The following KLHL29 variants were observed in gnomAD, a reference collection of about 807,000 sequenced individuals.
KLHL29 encodes the protein kelch like family member 29.
A neutral mutation model predicts 80.4 loss-of-function variants in KLHL29; 21 were observed. The observed-to-expected ratio is 0.26, with a 90% confidence interval of 0.19 to 0.38. The LOEUF is 0.38. Ranked by LOEUF, KLHL29 falls within the 10% of genes least tolerant of loss-of-function variation. The pLI, the probability that KLHL29 is intolerant of heterozygous loss-of-function variation, is 1.00. For synonymous variants in KLHL29, 511 were observed against 526.8 expected (o/e 0.97, Z 0.41); for missense variants, 867 against 1,223.9 (o/e 0.71, Z 4.35).
At chr2:23,560,117 C>T (rs1304953547) in intron 2 of KLHL29, among the ~76,000 whole-genome samples, 2 of 152,160 alleles carry the variant, frequency 1.3e-5, no homozygotes, top group Non-Finnish European at 2.9e-5. Flanking sequence ...GCGAAGGCCA[C>T]AGCGGAGCAG....
intron 3 of KLHL29, among the ~76,000 whole-genome samples, chr2:23,597,383 G>GTGTATATATATATATA (rs1444343783): frequency 1.3e-4 from 3 of 23,578 alleles, no homozygotes; most frequent in African/African-American, 4.1e-4. Flanking sequence ...GTGTGTGTGT[G>GTGTATATATATATATA]TATATATATA....
intron 2 of KLHL29, among the ~76,000 whole-genome samples, chr2:23,533,633 G>A (rs762206871): frequency 4.6e-5 from 7 of 152,164 alleles, no homozygotes; most frequent in Admixed American, 2.0e-4. Context: ...GATGGGGTGC[G>A]GCGTTTGGGC....
At chr2:23,542,948 A>G (rs1666877692) in intron 2 of KLHL29, among the ~76,000 whole-genome samples, 3 of 152,140 alleles carry the variant, frequency 2.0e-5, no homozygotes, top group Admixed American at 6.5e-5. Flanking sequence ...TGGGAAATTA[A>G]GATTGCATTA....
intron 1 of KLHL29, among the ~76,000 whole-genome samples, chr2:23,397,709 G>C (rs1291774047): frequency 5.9e-5 from 9 of 152,226 alleles, no homozygotes; most frequent in African/African-American, 1.9e-4. Context: ...GCAGTGAGGA[G>C]GGTGGGGCTT....
intron 2 of KLHL29, among the ~76,000 whole-genome samples, chr2:23,557,753 C>T (rs558024894): frequency 6.6e-6 from 1 of 152,230 alleles, no homozygotes; most frequent in African/African-American, 2.4e-5. Flanking sequence ...TGCGTACCCT[C>T]CTCACCTCCA....
At chr2:23,451,076 A>G (rs1312420159) in intron 1 of KLHL29, among the ~76,000 whole-genome samples, 2 of 152,242 alleles carry the variant, frequency 1.3e-5, no homozygotes. Context: ...TTCACTTAGC[A>G]TAAACTAAGG....
At chr2:23,547,668 C>T (rs1667011825) in intron 2 of KLHL29, among the ~76,000 whole-genome samples, 1 of 151,874 alleles carries the variant, frequency 6.6e-6, no homozygotes, top group Non-Finnish European at 1.5e-5. Context: ...GACCACCCCT[C>T]CCGCCTCCCC....
intron 1 of KLHL29, among the ~76,000 whole-genome samples, chr2:23,450,662 CAG>C (rs1663851273): frequency 6.6e-6 from 1 of 152,192 alleles, no homozygotes; most frequent in Non-Finnish European, 1.5e-5. Flanking sequence ...CCAGTGAAAG[CAG>C]AGTTGTGTAT....
At position 23,691,904 on chromosome 2, in the gene KLHL29, T is replaced by TG. The variant is rs1305299678; in HGVS notation, c.1282+34dup. The TG allele has an allele frequency of 3.9e-6, 6 of 1,542,974 alleles. No homozygotes were observed. In the South Asian group the frequency reaches 4.8e-5, roughly 12 times the overall value. ...GAGCCCGGGGGCCACATATGTCGCT[T>TG]GGGGGGAAGAGTGCAGATGGGCGGA... On this transcript the variant is annotated intron_variant, in intron 7 of 13. Coordinates refer to ENST00000486442, the MANE Select transcript of KLHL29 (RefSeq NM_052920.2).
chr2:23,511,614 G>A (rs1021895377), intron 2 of KLHL29, among the ~76,000 whole-genome samples: 4 of 152,180 alleles, frequency 2.6e-5, no homozygotes, highest in East Asian at 1.9e-4. Context: ...TTATCTCAGC[G>A]TTGAGAGTAT....
At position 23,567,431 on chromosome 2, in the gene KLHL29, C is replaced by T. The variant is rs530672690; in HGVS notation, c.285+4950C>T. 8.0e-4 allele frequency among the ~76,000 whole-genome samples: 122 copies of T among 152,106 alleles called. 1 individual carries two copies. Among genetic ancestry groups the T allele is most frequent in the African/African-American group, 2.9e-3 (120 of 41,490 alleles). On this transcript the variant is annotated intron_variant, in intron 3 of 13. Coordinates refer to ENST00000486442, the MANE Select transcript of KLHL29 (RefSeq NM_052920.2). ...GCCTGTGTCGGAGGCCCGAGAAGAA[C>T]CAAAAGGGGCTATGAAATCTGCAGG...
intron 3 of KLHL29, among the ~76,000 whole-genome samples, chr2:23,587,185 A>G (rs886936338): frequency 2.0e-5 from 3 of 151,520 alleles, no homozygotes; most frequent in Non-Finnish European, 2.9e-5. Flanking sequence ...GCTCTTAACC[A>G]AGGAAGCCAG....
At chr2:23,654,700 G>GGA (rs1377114416) in intron 5 of KLHL29, among the ~76,000 whole-genome samples, 1 of 117,832 alleles carries the variant, frequency 8.5e-6, no homozygotes, top group Non-Finnish European at 1.9e-5. Context: ...AGAGGTTGGG[G>GGA]GGGGGGGGTG....
At chr2:23,628,673 G>A (rs188470035) in intron 3 of KLHL29, among the ~76,000 whole-genome samples, 3 of 152,304 alleles carry the variant, frequency 2.0e-5, no homozygotes, top group Admixed American at 6.5e-5. Flanking sequence ...TAATAATGTT[G>A]GGTGTTCAGA....
chr2:23,423,194 T>C (rs1662877132), intron 1 of KLHL29, among the ~76,000 whole-genome samples: 1 of 152,202 alleles, frequency 6.6e-6, no homozygotes, highest in African/African-American at 2.4e-5. Context: ...ACTGTTCTTT[T>C]TTCCCTGCGA....
At chr2:23,597,611 G>A (rs1452166333) in intron 3 of KLHL29, among the ~76,000 whole-genome samples, 1 of 151,358 alleles carries the variant, frequency 6.6e-6, no homozygotes, top group African/African-American at 2.4e-5. Context: ...CTTTAGTAGA[G>A]ACGGGGTTTC....
intron 1 of KLHL29, among the ~76,000 whole-genome samples, chr2:23,414,186 G>A (rs928043209): frequency 4.6e-5 from 7 of 152,366 alleles, no homozygotes; most frequent in Non-Finnish European, 1.0e-4. Flanking sequence ...ACAGAGATGA[G>A]TTGTTCTCCA....
intron 1 of KLHL29, among the ~76,000 whole-genome samples, chr2:23,418,864 C>G (rs1256492740): frequency 6.6e-6 from 1 of 152,156 alleles, no homozygotes; most frequent in Non-Finnish European, 1.5e-5. Context: ...TTCGTCAATC[C>G]TGATCCCCCC....
chr2:23,464,975 C>G (rs1442086820), intron 1 of KLHL29, among the ~76,000 whole-genome samples: 1 of 152,172 alleles, frequency 6.6e-6, no homozygotes, highest in Non-Finnish European at 1.5e-5. Context: ...TTAATAGATT[C>G]GTCAACAGCA....
Sources: allele counts gnomAD v4.1 joint callset (sites outside exome capture counted in the v4.1 genomes callset), GRCh38; gene constraint gnomAD v4.1.1; transcripts MANE v1.5; gene names NCBI Gene and HGNC (gene_info 2026-07-23, HGNC 2026-07-21).